Variants in EXT2 observed in about 807,000 individuals in gnomAD.
EXT2 encodes exostosin glycosyltransferase 2.
In EXT2, 53 loss-of-function variants were observed where a neutral mutation model predicts 81.6. That is an observed-to-expected ratio of 0.65 (90% confidence interval 0.52 to 0.82). The LOEUF is 0.82. Ranked by LOEUF, EXT2 falls within the 40% of genes least tolerant of loss-of-function variation. The pLI, the probability that EXT2 is intolerant of heterozygous loss-of-function variation, is 0.00. For missense variants in EXT2, 774 were observed against 910.2 expected (o/e 0.85, Z 1.93); for synonymous variants, 320 against 340.0 (o/e 0.94, Z 0.65).
At position 44,138,547 on chromosome 11, in the gene EXT2, AT is replaced by A. The variant is rs554012202; in HGVS notation, c.1173+8419del. On this transcript the variant is annotated intron_variant, in intron 7 of 13. Coordinates refer to ENST00000533608, the MANE Select transcript of EXT2 (RefSeq NM_207122.2). The stretch of plus-strand genomic sequence containing the variant: ...GTCAATTCAGTGGGTCACGACTGGC[AT>A]TTTTTTTTTAATGAAATATAATAGG... Among the ~76,000 whole-genome samples, 466 of 146,994 alleles carry A rather than the reference AT, an allele frequency of 3.2e-3. 1 individual carries two copies. The highest frequency in any genetic ancestry group is 0.011 in the African/African-American group (426 of 40,090).
Position 44,198,036 on chromosome 11 carries a change from C to T in EXT2, c.1495+18C>T, listed in dbSNP as rs200806112. 5 of 1,613,340 alleles carry T rather than the reference C, an allele frequency of 3.1e-6. No individual in the cohort carries two copies. Among genetic ancestry groups the T allele is most frequent in the Non-Finnish European group, 4.2e-6 (5 of 1,179,358 alleles). On this transcript the variant is annotated intron_variant, in intron 9 of 13. Transcript: ENST00000533608. ...TCCAGAAGGTAAGAAGCCTTAGTGC[C>T]TCTCTCAGCTGGATCAATTTTGGAT...
intron 1 of EXT2, among the ~76,000 whole-genome samples, chr11:44,099,351 A>G (rs545192251): frequency 2.1e-4 from 32 of 152,030 alleles, no homozygotes; most frequent in Non-Finnish European, 4.3e-4. Context: ...ATGCCTGGCT[A>G]ATTTTTTGTG....
rs554113207 is a variant in EXT2, at chr11:44,157,848, C to T, written c.1174-13763C>T. ...TGCTGGGTCATACCTGAAGCCAGCA[C>T]AGCCATAAGTCTTACCCAGGGCCCA... On this transcript the variant is annotated intron_variant, in intron 7 of 13. Coordinates refer to ENST00000533608, the MANE Select transcript of EXT2 (RefSeq NM_207122.2). Among the ~76,000 whole-genome samples, 3 of 152,352 alleles carry T rather than the reference C, an allele frequency of 2.0e-5. No individual in the cohort carries two copies. In the South Asian group the frequency reaches 6.2e-4, roughly 32 times the overall value.
rs189279378 is a variant in EXT2, at chr11:44,251,530, C to T, written c.*7243C>T. Among the ~76,000 whole-genome samples, 516 of 152,186 alleles carry T rather than the reference C, an allele frequency of 3.4e-3. No homozygotes were observed. The highest frequency in any genetic ancestry group is 6.2e-3 in the Non-Finnish European group (422 of 68,008). Reference sequence around the variant, plus strand: ...GAGCAGGACACGACATTGTTTCACACCTTGGGCTGTGACTATTTACTTCTC... The same window carrying T: ...GAGCAGGACACGACATTGTTTCACATCTTGGGCTGTGACTATTTACTTCTC... On this transcript the variant is annotated 3_prime_UTR_variant, in exon 14 of 14. Coordinates refer to ENST00000533608, the MANE Select transcript of EXT2 (RefSeq NM_207122.2).
rs1240693088 is a variant in EXT2 at position 44,107,762 on chromosome 11, G to C, written c.50G>C (p.Arg17Thr). ...YNIRGPALIP[R>T]MKTKHRIYYI... ...ATCCGGGGTCCTGCCCTCATCCCAA[G>C]AATGAAGACCAAGCACCGAATCTAC... is the stretch of plus-strand genomic sequence containing the variant. Residue 17 changes from arginine (R) to threonine (T), a missense_variant, in exon 2 of 14, where the codon AGA (arginine) becomes ACA (threonine). This residue lies in a region of EXT2 where 626 missense variants were observed against 670.5 expected (regional missense o/e 0.93). Coordinates refer to ENST00000533608, the MANE Select transcript of EXT2 (RefSeq NM_207122.2). 1.2e-6 allele frequency: 2 copies of C among 1,614,058 alleles called. No individual in the cohort carries two copies. Among genetic ancestry groups the C allele is most frequent in the African/African-American group, 2.7e-5 (2 of 74,918 alleles).
chr11:44,169,672 T>C (rs1250077024), intron 7 of EXT2, among the ~76,000 whole-genome samples: 1 of 152,154 alleles, frequency 6.6e-6, no homozygotes, highest in Non-Finnish European at 1.5e-5. Flanking sequence ...CAGTAACAGA[T>C]TGATTATCCC....
At chr11:44,168,653 G>GA (rs1404709711) in intron 7 of EXT2, among the ~76,000 whole-genome samples, 1 of 152,204 alleles carries the variant, frequency 6.6e-6, no homozygotes, top group Non-Finnish European at 1.5e-5. Flanking sequence ...ATTTATTAAT[G>GA]AAAAATTGGA....
chr11:44,228,596 C>A (rs558372858), intron 10 of EXT2, among the ~76,000 whole-genome samples: 13 of 152,304 alleles, frequency 8.5e-5, no homozygotes, highest in African/African-American at 3.1e-4. Context: ...AGGATGGTAT[C>A]TTGATTGTAT....
At position 44,108,062 on chromosome 11, in the gene EXT2, A is replaced by G. The variant is rs2134967374; in HGVS notation, c.350A>G (p.Asp117Gly). Residue 117 changes from aspartate (D) to glycine (G), a missense_variant, in exon 2 of 14, where the codon GAC (aspartate) becomes GGC (glycine). This residue lies in a region of EXT2 where 626 missense variants were observed against 670.5 expected (regional missense o/e 0.93). Transcript: ENST00000533608. The stretch of plus-strand genomic sequence containing the variant: ...TATGCTCTGAAAAAGTACGTGGATG[A>G]CTTTGGCGTCTCTGTCAGCAACACC... Reference protein sequence around the residue: ...YIYALKKYVDDFGVSVSNTIS... With the variant: ...YIYALKKYVDGFGVSVSNTIS... 1 of 1,614,132 alleles carries G rather than the reference A, an allele frequency of 6.2e-7. No homozygotes were observed. The highest frequency in any genetic ancestry group is 1.1e-5 in the South Asian group (1 of 91,080).
At chr11:44,151,484 C>T (rs1008574633) in intron 7 of EXT2, among the ~76,000 whole-genome samples, 5 of 151,934 alleles carry the variant, frequency 3.3e-5, no homozygotes, top group Non-Finnish European at 7.4e-5. Flanking sequence ...AGTATGTAGC[C>T]CCTTCAGTTT....
chr11:44,209,071 A>G (rs1955617115), intron 10 of EXT2, among the ~76,000 whole-genome samples: 1 of 152,226 alleles, frequency 6.6e-6, no homozygotes, highest in African/African-American at 2.4e-5. Flanking sequence ...AGGTTATTTA[A>G]TCTCTCTGGA....
intron 7 of EXT2, among the ~76,000 whole-genome samples, chr11:44,158,890 C>A (rs1954891778): frequency 6.6e-6 from 1 of 151,898 alleles, no homozygotes; most frequent in African/African-American, 2.4e-5. Flanking sequence ...TCTCTCAACA[C>A]TTTAAATATT....
In EXT2 at chr11:44,247,587, C is replaced by T. The variant is rs539546605; in HGVS notation, c.*3300C>T. On this transcript the variant is annotated 3_prime_UTR_variant, in exon 14 of 14. Transcript: ENST00000533608. ...TTACTCAGTGTCATCAAGTTCAAAG[C>T]TCTGACCACCCTGGTTTCTCTGCCA... Among the ~76,000 whole-genome samples the T allele has an allele frequency of 8.5e-4, 129 of 152,318 alleles. No individual in the cohort carries two copies. The highest frequency in any genetic ancestry group is 3.0e-3 in the African/African-American group (123 of 41,566).
At chr11:44,200,622 T>TA (rs1955511489) in intron 9 of EXT2, among the ~76,000 whole-genome samples, 1 of 152,008 alleles carries the variant, frequency 6.6e-6, no homozygotes, top group Non-Finnish European at 1.5e-5. Context: ...AACAGGGGAG[T>TA]AAAACCAGCA....
At chr11:44,112,292 C>A (rs1035383293) in intron 3 of EXT2, among the ~76,000 whole-genome samples, 3 of 152,114 alleles carry the variant, frequency 2.0e-5, no homozygotes, top group African/African-American at 7.2e-5. Context: ...AATCAGGCAG[C>A]CCTGCAAAGT....
At chr11:44,102,480 T>C (rs909635992) in intron 1 of EXT2, among the ~76,000 whole-genome samples, 1 of 151,110 alleles carries the variant, frequency 6.6e-6, no homozygotes, top group Non-Finnish European at 1.5e-5. Context: ...CTTTCTGAGA[T>C]CACCTCCCAA....
At chr11:44,117,865 G>A (rs762031042) in intron 4 of EXT2, among the ~76,000 whole-genome samples, 1 of 152,170 alleles carries the variant, frequency 6.6e-6, no homozygotes, top group African/African-American at 2.4e-5. Flanking sequence ...GGGCTCAGGT[G>A]ATCCTCCTGC....
At position 44,234,216 on chromosome 11, in the gene EXT2, C is replaced by T. The variant is rs1955933217; in HGVS notation, c.1908C>T (p.Ala636=). ...CEDIAMNFLV[A]NVTGKAVIKV... is the part of the protein sequence containing the mutation. ...ATATTGCCATGAACTTCCTGGTGGCCAACGTCACGGGAAAAGCAGTTATCA... is the reference window on the plus strand; with the variant it reads ...ATATTGCCATGAACTTCCTGGTGGCTAACGTCACGGGAAAAGCAGTTATCA... The change falls in exon 12 of 14, where the codon GCC becomes GCT. Residue 636 remains alanine (A), a synonymous_variant. Transcript: ENST00000533608. The T allele has an allele frequency of 2.5e-6, 4 of 1,613,896 alleles. No homozygotes were observed. In the South Asian group the frequency reaches 3.3e-5, roughly 13 times the overall value.
At chr11:44,229,062 G>A (rs1955869246) in intron 10 of EXT2, among the ~76,000 whole-genome samples, 1 of 152,166 alleles carries the variant, frequency 6.6e-6, no homozygotes, top group East Asian at 1.9e-4. Flanking sequence ...TGGCATCCCT[G>A]GTGTTTAGTT....
Sources: allele counts gnomAD v4.1 joint callset (sites outside exome capture counted in the v4.1 genomes callset), GRCh38; gene constraint gnomAD v4.1.1; regional missense constraint gnomAD v4.1.1; transcripts MANE v1.5; gene names NCBI Gene and HGNC (gene_info 2026-07-23, HGNC 2026-07-21).